Variants in CAMTA1 observed in about 807,000 individuals in gnomAD.
CAMTA1 encodes the protein calmodulin binding transcription activator 1, also known as calmodulin-binding transcription activator 1.
A neutral mutation model predicts 170.9 loss-of-function variants in CAMTA1; 27 were observed. That is an observed-to-expected ratio of 0.16 (90% confidence interval 0.12 to 0.22). CAMTA1 has a LOEUF of 0.22. CAMTA1 is among the 10% of genes least tolerant of loss of function. CAMTA1 has a pLI of 1.00. For missense variants in CAMTA1, 1,619 were observed against 2,217.2 expected (o/e 0.73, Z 5.42); for synonymous variants, 833 against 891.5 (o/e 0.93, Z 1.17).
In CAMTA1 at chr1:7,565,716, T is replaced by C. The variant is rs1313457772; in HGVS notation, c.511-74684T>C. On this transcript the variant is annotated intron_variant, in intron 6 of 22. Transcript: ENST00000303635. This position sits in a 1 kb window ranked among gnomAD's most constrained non-coding sequence, Gnocchi z 4.5. ...TGGGTATTTTCTGGGGGCTGTTTTA[T>C]GTTGTTTGTTTTGTCCTCGTGTCTT... Among the ~76,000 whole-genome samples, 1 of 152,168 alleles carries C rather than the reference T, an allele frequency of 6.6e-6. No homozygotes were observed. Among genetic ancestry groups the C allele is most frequent in the African/African-American group, 2.4e-5 (1 of 41,430 alleles).
intron 6 of CAMTA1, among the ~76,000 whole-genome samples, chr1:7,631,093 G>A (rs1352709382): frequency 6.6e-6 from 1 of 152,178 alleles, no homozygotes; most frequent in African/African-American, 2.4e-5. Context: ...CACAGAGGGT[G>A]TTCTAACTAC....
intron 5 of CAMTA1, among the ~76,000 whole-genome samples, chr1:7,301,010 C>A (rs111226282): frequency 6.6e-6 from 1 of 152,102 alleles, no homozygotes; most frequent in African/African-American, 2.4e-5. Flanking sequence ...TTATGCAAGT[C>A]GGTATTAAAT....
chr1:7,208,300 A>T (rs2149052935), intron 4 of CAMTA1, among the ~76,000 whole-genome samples: 1 of 152,350 alleles, frequency 6.6e-6, no homozygotes, highest in South Asian at 2.1e-4. Flanking sequence ...TTGTTTGTTC[A>T]TTTGGTAAAC....
chr1:7,548,969 C>T (rs1389737240), intron 6 of CAMTA1, among the ~76,000 whole-genome samples: 2 of 137,874 alleles, frequency 1.5e-5, no homozygotes, highest in African/African-American at 5.4e-5. Context: ...TGGAGATGCC[C>T]ATGGAAGGTA....
At chr1:7,141,310 G>A (rs1487749384) in intron 4 of CAMTA1, among the ~76,000 whole-genome samples, 3 of 152,218 alleles carry the variant, frequency 2.0e-5, no homozygotes, top group Non-Finnish European at 4.4e-5. Flanking sequence ...TCAGGGTCCT[G>A]CTCCTGTCCC....
rs200678252 is a variant in CAMTA1 at position 7,499,789 on chromosome 1, G to GAA, written c.510+31888_510+31889insAA. Among the ~76,000 whole-genome samples the GAA allele has an allele frequency of 2.8e-4, 8 of 28,584 alleles. 1 individual carries two copies. The highest frequency in any genetic ancestry group is 2.0e-3 in the African/African-American group (5 of 2,532). 18.8% of individuals were successfully genotyped at this position (28,584 alleles called of 152,430 possible). A position where few individuals can be genotyped will look rare whatever the true frequency, so the allele number is the denominator to read the frequency against. On this transcript the variant is annotated intron_variant, in intron 6 of 22. Transcript: ENST00000303635. ...GTTGTGAGTGTGTGTGTCCATGAGT[G>GAA]TGTGTGGAGAGGATTGTGTGAGCCT... is the stretch of plus-strand genomic sequence containing the variant.
At chr1:7,261,486 G>A (rs536710148) in intron 5 of CAMTA1, among the ~76,000 whole-genome samples, 18 of 152,310 alleles carry the variant, frequency 1.2e-4, no homozygotes, top group South Asian at 6.2e-4. Flanking sequence ...ATTTCCAACG[G>A]AAGTGAGGTC....
At chr1:6,790,725 A>G (rs1557548200) in intron 1 of CAMTA1, among the ~76,000 whole-genome samples, 1 of 152,228 alleles carries the variant, frequency 6.6e-6, no homozygotes, top group South Asian at 2.1e-4. Flanking sequence ...GGCATCTGAT[A>G]TAATTATCAC....
rs74553525 is a variant in CAMTA1, at chr1:7,273,981, G to A, written c.438+24355G>A. The stretch of plus-strand genomic sequence containing the variant: ...AAACTACTAAAAATGAAGAGATATA[G>A]GAATAAGCCAATAGTGGATATAAAA... On this transcript the variant is annotated intron_variant, in intron 5 of 22. Transcript: ENST00000303635. Among the ~76,000 whole-genome samples, 263 of 152,122 alleles carry A rather than the reference G, an allele frequency of 1.7e-3. 6 individuals are homozygous for A. The East Asian group carries it at 0.031, about 18-fold the overall frequency.
At chr1:7,451,651 C>A (rs1332553911) in intron 5 of CAMTA1, among the ~76,000 whole-genome samples, 1 of 152,108 alleles carries the variant, frequency 6.6e-6, no homozygotes, top group East Asian at 1.9e-4. Flanking sequence ...GGAGGCCTCC[C>A]TTCCTCCTGT....
intron 11 of CAMTA1, among the ~76,000 whole-genome samples, chr1:7,719,047 T>C (rs2096632542): frequency 6.6e-6 from 1 of 152,206 alleles, no homozygotes; most frequent in Admixed American, 6.5e-5. Flanking sequence ...TAGCCGACTT[T>C]AAGATGTTCT....
chr1:7,104,140 TACACACA>T (rs1643292407), intron 4 of CAMTA1, among the ~76,000 whole-genome samples: 3 of 143,836 alleles, frequency 2.1e-5, no homozygotes, highest in Admixed American at 6.9e-5. Flanking sequence ...ACTACACACG[TACACACA>T]ACACACATAT....
rs970843478 is a variant in CAMTA1, at chr1:7,333,321, C to T, written c.438+83695C>T. The stretch of plus-strand genomic sequence containing the variant: ...ACATGAGTTGAACCTAGTTGTCATT[C>T]CTGCCGGTGAGGGAGAGACCCGCAG... On this transcript the variant is annotated intron_variant, in intron 5 of 22. Transcript: ENST00000303635. The surrounding 1 kb of genome is among the most constrained non-coding windows in gnomAD (Gnocchi z 4.4). 3.9e-5 allele frequency among the ~76,000 whole-genome samples: 6 copies of T among 152,152 alleles called. No homozygotes were observed. Among genetic ancestry groups the T allele is most frequent in the African/African-American group, 1.4e-4 (6 of 41,430 alleles).
intron 5 of CAMTA1, among the ~76,000 whole-genome samples, chr1:7,374,063 G>T (rs845216): frequency 2.6e-5 from 4 of 152,040 alleles, no homozygotes; most frequent in Non-Finnish European, 2.9e-5. Context: ...CTGCCTCCCC[G>T]CCTCACTGGC....
At chr1:6,933,256 C>T (rs376696592) in intron 3 of CAMTA1, among the ~76,000 whole-genome samples, 4 of 152,088 alleles carry the variant, frequency 2.6e-5, no homozygotes, top group Middle Eastern at 3.4e-3. Context: ...TGCAAAGTCA[C>T]AAATATTTTC....
chr1:7,641,264 A>G lies in CAMTA1; in HGVS notation c.664+711A>G, dbSNP rs992944278. Among the ~76,000 whole-genome samples, 1 of 152,170 alleles carries G rather than the reference A, an allele frequency of 6.6e-6. No homozygotes were observed. The highest frequency in any genetic ancestry group is 1.5e-5 in the Non-Finnish European group (1 of 68,014). ...CATGGGTCTGGGGCTTTCCTGACCC[A>G]AGAAGAGCATGGGGGCTGTTTAGTG... is the stretch of plus-strand genomic sequence containing the variant. On this transcript the variant is annotated intron_variant, in intron 7 of 22. Coordinates refer to ENST00000303635, the MANE Select transcript of CAMTA1 (RefSeq NM_015215.4). The surrounding 1 kb of genome is among the most constrained non-coding windows in gnomAD (Gnocchi z 4.5).
chr1:7,616,964 C>A lies in CAMTA1; in HGVS notation c.511-23436C>A, dbSNP rs75650832. On this transcript the variant is annotated intron_variant, in intron 6 of 22. Transcript: ENST00000303635. ...AAATCTGTCTCCCAAGTAAGTCTTG[C>A]CAGTGCACAGGTGTCACCCGCAGGG... 4.1e-3 allele frequency among the ~76,000 whole-genome samples: 625 copies of A among 152,312 alleles called. 7 individuals carry two copies. Among genetic ancestry groups the A allele is most frequent in the African/African-American group, 0.015 (609 of 41,552 alleles).
At chr1:6,787,152 T>G (rs767231581) in intron 1 of CAMTA1, among the ~76,000 whole-genome samples, 2 of 152,368 alleles carry the variant, frequency 1.3e-5, no homozygotes, top group Non-Finnish European at 2.9e-5. Context: ...CCATATTTAG[T>G]GAGCCTGTTA....
At chr1:7,712,332 T>A (rs1412467332) in intron 11 of CAMTA1, among the ~76,000 whole-genome samples, 1 of 152,136 alleles carries the variant, frequency 6.6e-6, no homozygotes, top group Non-Finnish European at 1.5e-5. Context: ...TACTATTTTT[T>A]TTTTTTGAGA....
Sources: gnomAD v4.1 joint callset for allele counts (sites outside exome capture counted in the v4.1 genomes callset) on GRCh38, gnomAD v4.1.1 for gene constraint, Gnocchi (gnomAD v3.1) non-coding constraint, MANE v1.5 for transcripts, NCBI Gene and HGNC (gene_info 2026-07-23, HGNC 2026-07-21) for gene names.